Variants in BABAM2 observed in about 807,000 individuals in gnomAD.
BABAM2 encodes BRISC and BRCA1 A complex member 2.
A neutral mutation model predicts 54.7 loss-of-function variants in BABAM2; 31 were observed. The observed-to-expected ratio is 0.57, with a 90% confidence interval of 0.43 to 0.77. The LOEUF (loss-of-function observed/expected upper bound fraction) is 0.77, where lower values mean the gene tolerates loss of function less well. Ranked by LOEUF, BABAM2 falls within the 30% of genes least tolerant of loss-of-function variation. The pLI, the probability that BABAM2 is intolerant of heterozygous loss-of-function variation, is 0.00. For missense variants in BABAM2, 364 were observed against 455.8 expected (o/e 0.80, Z 1.83); for synonymous variants, 167 against 162.9 (o/e 1.03, Z -0.19).
intron 3 of BABAM2, among the ~76,000 whole-genome samples, chr2:27,930,946 A>G (rs369887762): frequency 1.3e-5 from 2 of 152,236 alleles, no homozygotes; most frequent in East Asian, 1.9e-4. Flanking sequence ...GATATTAAAC[A>G]TGGAACAGAT....
At chr2:28,087,853 T>C (rs1665808964) in intron 6 of BABAM2, among the ~76,000 whole-genome samples, 1 of 152,204 alleles carries the variant, frequency 6.6e-6, no homozygotes, top group African/African-American at 2.4e-5. Flanking sequence ...TTTCACCATG[T>C]TGGCCAGGCT....
chr2:28,182,400 C>T (rs943233251), intron 7 of BABAM2, among the ~76,000 whole-genome samples: 2 of 152,178 alleles, frequency 1.3e-5, no homozygotes, highest in African/African-American at 2.4e-5. Flanking sequence ...GGGGATCTCA[C>T]GGTTTCTGCT....
chr2:28,164,979 C>T (rs1673491322), intron 7 of BABAM2, among the ~76,000 whole-genome samples: 1 of 152,114 alleles, frequency 6.6e-6, no homozygotes, highest in Non-Finnish European at 1.5e-5. Flanking sequence ...GAAACCCTTT[C>T]CCCTTTTATT....
intron 3 of BABAM2, among the ~76,000 whole-genome samples, chr2:27,965,678 T>A (rs1670785440): frequency 6.6e-6 from 1 of 152,198 alleles, no homozygotes; most frequent in South Asian, 2.1e-4. Flanking sequence ...TATACATATG[T>A]ACATACATAT....
At chr2:28,317,952 G>T (rs1202824536) in intron 11 of BABAM2, among the ~76,000 whole-genome samples, 1 of 152,222 alleles carries the variant, frequency 6.6e-6, no homozygotes, top group Admixed American at 6.5e-5. Context: ...TGATATGTAG[G>T]TTGTCTTTCC....
At chr2:27,932,297 G>A (rs924377522) in intron 3 of BABAM2, among the ~76,000 whole-genome samples, 3 of 152,086 alleles carry the variant, frequency 2.0e-5, no homozygotes, top group South Asian at 4.2e-4. Context: ...TCAGCATCTT[G>A]TTCTTATTTT....
chr2:28,104,577 T>G (rs1207176665), intron 6 of BABAM2, among the ~76,000 whole-genome samples: 2 of 152,188 alleles, frequency 1.3e-5, no homozygotes, highest in African/African-American at 4.8e-5. Flanking sequence ...AGGAACACTT[T>G]TACACTGTTG....
At chr2:28,133,869 A>C (rs904932227) in intron 7 of BABAM2, among the ~76,000 whole-genome samples, 2 of 152,198 alleles carry the variant, frequency 1.3e-5, no homozygotes, top group African/African-American at 4.8e-5. Context: ...TTCTAATTTG[A>C]TGAAGCTCTG....
At chr2:28,120,991 A>G (rs1669019602) in intron 6 of BABAM2, among the ~76,000 whole-genome samples, 2 of 152,186 alleles carry the variant, frequency 1.3e-5, no homozygotes, top group Admixed American at 1.3e-4. Context: ...CTAGGTGGGG[A>G]GAATATTTTT....
intron 10 of BABAM2, 96 bp downstream of exon 10, chr2:28,244,958 C>T (rs549696874): frequency 1.1e-5 from 11 of 1,034,140 alleles, no homozygotes; most frequent in East Asian, 7.4e-5. Flanking sequence ...TGTCCTGTCT[C>T]GGTTCCTTTT....
chr2:27,969,142 C>T (rs556278152), intron 3 of BABAM2, among the ~76,000 whole-genome samples: 1 of 152,298 alleles, frequency 6.6e-6, no homozygotes, highest in South Asian at 2.1e-4. Context: ...TGCACAAGCT[C>T]TCTGTTTGCC....
At chr2:28,161,590 G>C (rs1673100140) in intron 7 of BABAM2, among the ~76,000 whole-genome samples, 1 of 152,126 alleles carries the variant, frequency 6.6e-6, no homozygotes, top group Non-Finnish European at 1.5e-5. Flanking sequence ...TTTCAAGCAA[G>C]GGTTAGCCAG....
Position 28,062,575 on chromosome 2 carries a change from CAA to C in BABAM2, c.570+16789_570+16790del, listed in dbSNP as rs200543877. 1.2e-3 allele frequency among the ~76,000 whole-genome samples: 159 copies of C among 134,982 alleles called. 1 individual carries two copies. Among genetic ancestry groups the C allele is most frequent in the African/African-American group, 1.9e-3 (68 of 36,208 alleles). 88.6% of individuals were successfully genotyped at this position (134,982 alleles called of 152,430 possible). ...AGACTCCATCTCAAAAAAAAAAAAC[CAA>C]AAAAAAAAAAAACATATTTCCAGGA... On this transcript the variant is annotated intron_variant, in intron 6 of 11. Transcript: ENST00000379624.
intron 11 of BABAM2, among the ~76,000 whole-genome samples, chr2:28,314,920 G>T (rs185045102): frequency 6.6e-6 from 1 of 151,200 alleles, no homozygotes; most frequent in Admixed American, 6.6e-5. Flanking sequence ...GAGGTATGCC[G>T]GTGTCCACTG....
At chr2:27,962,474 TAG>T (rs1021239934) in intron 3 of BABAM2, among the ~76,000 whole-genome samples, 2 of 152,216 alleles carry the variant, frequency 1.3e-5, no homozygotes, top group Non-Finnish European at 2.9e-5. Context: ...CAGATACGTA[TAG>T]CTAAACTCTT....
chr2:27,931,306 T>C (rs1304141354), intron 3 of BABAM2, among the ~76,000 whole-genome samples: 1 of 152,242 alleles, frequency 6.6e-6, no homozygotes, highest in Non-Finnish European at 1.5e-5. Context: ...CTGGAATTTT[T>C]TGATACATGA....
chr2:28,154,268 T>G (rs1274563549), intron 7 of BABAM2, among the ~76,000 whole-genome samples: 4 of 152,212 alleles, frequency 2.6e-5, no homozygotes, highest in Non-Finnish European at 4.4e-5. Context: ...GGCAACACCT[T>G]GGCAAGAGAG....
At chr2:28,236,046 G>C (rs773966498) in intron 7 of BABAM2, among the ~76,000 whole-genome samples, 2 of 152,084 alleles carry the variant, frequency 1.3e-5, no homozygotes, top group Admixed American at 6.5e-5. Context: ...CAGGGTCTTG[G>C]ATAATAATCC....
At chr2:28,160,484 C>T (rs1672961434) in intron 7 of BABAM2, among the ~76,000 whole-genome samples, 1 of 152,112 alleles carries the variant, frequency 6.6e-6, no homozygotes, top group South Asian at 2.1e-4. Context: ...TTTAAGGGAG[C>T]CCCCAGAAGT....
Sources: gnomAD v4.1 joint callset for allele counts (sites outside exome capture counted in the v4.1 genomes callset) on GRCh38, gnomAD v4.1.1 for gene constraint, MANE v1.5 for transcripts, NCBI Gene and HGNC (gene_info 2026-07-23, HGNC 2026-07-21) for gene names.